The following PTPRD variants were observed in gnomAD, a reference collection of about 807,000 sequenced individuals.
PTPRD encodes the protein protein tyrosine phosphatase receptor type D, also known as receptor-type tyrosine-protein phosphatase delta.
A neutral mutation model predicts 214.5 loss-of-function variants in PTPRD; 34 were observed. The observed-to-expected ratio is 0.16, with a 90% CI of 0.12 to 0.21. The LOEUF (loss-of-function observed/expected upper bound fraction) is 0.21, where lower values mean the gene tolerates loss of function less well. PTPRD is among the 10% of genes least tolerant of loss of function. The pLI is 1.00. For synonymous variants in PTPRD, 1,128 were observed against 845.7 expected, an observed-to-expected ratio of 1.33 and a Z score of -5.79; for missense variants, 2,545 against 2,398.7, an observed-to-expected ratio of 1.06 and a Z score of -1.27.
intron 2 of PTPRD, among the ~76,000 whole-genome samples, chr9:10,500,154 A>G (rs2043220900): frequency 6.6e-6 from 1 of 151,902 alleles, no homozygotes; most frequent in Admixed American, 6.6e-5. Context: ...TAGTACTTCT[A>G]GTTACAACTT....
intron 9 of PTPRD, among the ~76,000 whole-genome samples, chr9:9,383,138 A>G (rs1031700454): frequency 6.6e-6 from 1 of 151,548 alleles, no homozygotes; most frequent in Admixed American, 6.6e-5. Flanking sequence ...AAATCCTACC[A>G]TTTTTCTTTT....
chr9:8,512,672 C>CT (rs777145345), intron 21 of PTPRD, among the ~76,000 whole-genome samples: 43 of 151,936 alleles, frequency 2.8e-4, no homozygotes, highest in Non-Finnish European at 4.9e-4. Context: ...ATATATAATT[C>CT]TTTATCTTTT....
At chr9:9,466,541 A>C (rs953351129) in intron 8 of PTPRD, among the ~76,000 whole-genome samples, 5 of 152,160 alleles carry the variant, frequency 3.3e-5, no homozygotes, top group Non-Finnish European at 7.3e-5. Context: ...TCATTTAATT[A>C]AGGGAGTGTA....
At chr9:8,885,488 C>CTTTTTTT (rs35568734) in intron 11 of PTPRD, among the ~76,000 whole-genome samples, 4 of 93,310 alleles carry the variant, frequency 4.3e-5, no homozygotes, top group Non-Finnish European at 8.3e-5. Context: ...CACACAGCCT[C>CTTTTTTT]TTTTTTTTTT....
In PTPRD at chr9:9,717,169, G is replaced by A. The variant is rs1156651960; in HGVS notation, c.-287+17364C>T. On this transcript the variant is annotated intron_variant, in intron 7 of 45. Coordinates refer to ENST00000381196, the MANE Select transcript of PTPRD (RefSeq NM_002839.4). ...AAAGATCAGATAGTTGTAGATATGC[G>A]GCGTTATTTCTGAGGGCTCTGTTCT... Among the ~76,000 whole-genome samples the A allele has an allele frequency of 1.1e-4, 17 of 152,042 alleles. No homozygotes were observed. In the East Asian group the frequency reaches 1.4e-3, roughly 12 times the overall value.
chr9:10,401,971 G>C lies in PTPRD; in HGVS notation c.-599-60954C>G, dbSNP rs13287821. On this transcript the variant is annotated intron_variant, in intron 2 of 45. Coordinates refer to ENST00000381196, the MANE Select transcript of PTPRD (RefSeq NM_002839.4). ...ATGTAGAAATTGAACATATTCCAGA[G>C]ATACAGCACTGGAATAAAACACCCT... 4.4e-3 allele frequency among the ~76,000 whole-genome samples: 671 copies of C among 151,312 alleles called. 4 individuals are homozygous for C. Among genetic ancestry groups the C allele is most frequent in the Middle Eastern group, 0.034 (10 of 294 alleles).
At chr9:10,477,452 A>C (rs1207678514) in intron 2 of PTPRD, among the ~76,000 whole-genome samples, 1 of 152,176 alleles carries the variant, frequency 6.6e-6, no homozygotes, top group African/African-American at 2.4e-5. Flanking sequence ...AGCCAGTTAG[A>C]ATGGTGATCA....
chr9:8,584,250 T>C (rs1223012167), intron 14 of PTPRD, among the ~76,000 whole-genome samples: 1 of 152,152 alleles, frequency 6.6e-6, no homozygotes, highest in African/African-American at 2.4e-5. Context: ...TACCCAATCA[T>C]AAAAAGCATT....
intron 8 of PTPRD, among the ~76,000 whole-genome samples, chr9:9,451,309 T>C (rs563774493): frequency 2.0e-5 from 3 of 151,896 alleles, no homozygotes; most frequent in Non-Finnish European, 4.4e-5. Flanking sequence ...AGGAAAACAC[T>C]TCATCTGTCT....
chr9:9,200,280 T>C (rs890973566), intron 9 of PTPRD, among the ~76,000 whole-genome samples: 1 of 152,190 alleles, frequency 6.6e-6, no homozygotes, highest in Non-Finnish European at 1.5e-5. Flanking sequence ...CCTTTGGACT[T>C]TTTGTTATGT....
chr9:9,803,739 A>T (rs998875874), intron 5 of PTPRD: 1 of 151,974 alleles, frequency 6.6e-6, no homozygotes, highest in African/African-American at 2.4e-5. Context: ...TTTTCCTGTA[A>T]AACTAATACA....
At chr9:9,369,671 A>T (rs896871105) in intron 9 of PTPRD, among the ~76,000 whole-genome samples, 10 of 152,158 alleles carry the variant, frequency 6.6e-5, no homozygotes, top group African/African-American at 2.4e-4. Context: ...TGTTTTAGAC[A>T]TGAAGTCCTT....
At chr9:8,716,772 G>A (rs1448775032) in intron 12 of PTPRD, among the ~76,000 whole-genome samples, 2 of 152,142 alleles carry the variant, frequency 1.3e-5, no homozygotes, top group African/African-American at 4.8e-5. Context: ...CGAAACAGTT[G>A]AACTGGCCTA....
At chr9:9,957,838 A>G (rs1411914211) in intron 4 of PTPRD, among the ~76,000 whole-genome samples, 1 of 152,146 alleles carries the variant, frequency 6.6e-6, no homozygotes, top group African/African-American at 2.4e-5. Flanking sequence ...AACAAAAGAT[A>G]CACCGATCAA....
At chr9:9,120,821 G>C (rs536881710) in intron 10 of PTPRD, among the ~76,000 whole-genome samples, 1 of 152,270 alleles carries the variant, frequency 6.6e-6, no homozygotes, top group East Asian at 1.9e-4. Flanking sequence ...CATTTCCATA[G>C]ATTGTGACAG....
At chr9:9,323,654 T>A in intron 9 of PTPRD, among the ~76,000 whole-genome samples, 1 of 152,172 alleles carries the variant, frequency 6.6e-6, no homozygotes, top group East Asian at 1.9e-4. Flanking sequence ...CATGAGATCA[T>A]CTGATTTCTC....
chr9:10,208,186 C>T (rs954082580), intron 3 of PTPRD, among the ~76,000 whole-genome samples: 7 of 152,186 alleles, frequency 4.6e-5, no homozygotes, highest in African/African-American at 1.7e-4. Flanking sequence ...ATCATAAACT[C>T]TATTTGATAT....
intron 5 of PTPRD, among the ~76,000 whole-genome samples, chr9:9,886,531 C>A (rs1362213823): frequency 6.6e-6 from 1 of 152,084 alleles, no homozygotes; most frequent in African/African-American, 2.4e-5. Flanking sequence ...GACCGTTCCA[C>A]AGTGTATTTT....
At chr9:8,759,756 C>G (rs914458670) in intron 11 of PTPRD, among the ~76,000 whole-genome samples, 1 of 152,024 alleles carries the variant, frequency 6.6e-6, no homozygotes, top group African/African-American at 2.4e-5. Flanking sequence ...GGAAGTAAAA[C>G]ATTCACTTGA....
Sources: allele counts gnomAD v4.1 joint callset (sites outside exome capture counted in the v4.1 genomes callset), GRCh38; gene constraint gnomAD v4.1.1; transcripts MANE v1.5; gene names NCBI Gene and HGNC (gene_info 2026-07-23, HGNC 2026-07-21).